Variants in CCDC146 observed in about 807,000 individuals in gnomAD.
CCDC146 encodes the protein coiled-coil domain containing 146.
Under a neutral mutation model 119.3 loss-of-function variants are expected in CCDC146, and 92 were observed. The observed-to-expected ratio is 0.77, with a 90% CI of 0.65 to 0.92. The LOEUF (loss-of-function observed/expected upper bound fraction) is 0.92. CCDC146 is among the 40% of genes least tolerant of loss of function. The pLI, the probability that CCDC146 is intolerant of heterozygous loss-of-function variation, is 0.00. For missense variants in CCDC146, 1,000 were observed against 1,103.0 expected (o/e 0.91, Z 1.32); for synonymous variants, 372 against 371.8 (o/e 1.00, Z -0.01).
chr7:77,234,810 A>G (rs1353690046), intron 2 of CCDC146, among the ~76,000 whole-genome samples: 1 of 152,210 alleles, frequency 6.6e-6, no homozygotes, highest in Non-Finnish European at 1.5e-5. Flanking sequence ...TGATACAGGT[A>G]GAGTATCCTC....
intron 2 of CCDC146, among the ~76,000 whole-genome samples, chr7:77,181,347 G>T (rs1399829009): frequency 3.9e-5 from 6 of 152,164 alleles, no homozygotes; most frequent in Admixed American, 2.6e-4. Context: ...GGGTGATAAA[G>T]GTCAGTGGGG....
intron 2 of CCDC146, among the ~76,000 whole-genome samples, chr7:77,224,769 G>A (rs1424065305): frequency 6.6e-6 from 1 of 152,172 alleles, no homozygotes; most frequent in East Asian, 1.9e-4. Flanking sequence ...GTCCTTTGAA[G>A]GGTCTAAAGC....
chr7:77,282,915 G>A (rs1371277996), intron 15 of CCDC146, 130 bp downstream of exon 15: 1 of 644,838 alleles, frequency 1.6e-6, no homozygotes, highest in African/African-American at 1.8e-5. Flanking sequence ...CATCCATCTT[G>A]TTTAAAAATA....
At chr7:77,276,520 G>A (rs1020789696) in intron 11 of CCDC146, among the ~76,000 whole-genome samples, 1 of 152,198 alleles carries the variant, frequency 6.6e-6, no homozygotes, top group Non-Finnish European at 1.5e-5. Context: ...ATGGGAAGAT[G>A]GGGAGAAAGG....
At chr7:77,233,485 T>C (rs1214845904) in intron 2 of CCDC146, among the ~76,000 whole-genome samples, 3 of 143,514 alleles carry the variant, frequency 2.1e-5, no homozygotes, top group African/African-American at 8.0e-5. Flanking sequence ...CTGTAATTTA[T>C]AATTTTACTT....
intron 2 of CCDC146, among the ~76,000 whole-genome samples, chr7:77,186,088 C>T (rs1243427446): frequency 6.6e-6 from 1 of 152,092 alleles, no homozygotes; most frequent in Admixed American, 6.5e-5. Context: ...TTTCCAGGTT[C>T]CTCAAGAAAC....
rs1219389100 is a variant in CCDC146, at chr7:77,293,105, A to G, written c.2569A>G (p.Lys857Glu). 4.3e-6 allele frequency: 7 copies of G among 1,614,112 alleles called. No homozygotes were observed. The highest frequency in any genetic ancestry group is 4.0e-5 in the African/African-American group (3 of 74,936). ...CTTCACTTGCAATTCCAGGATAGAAAAAGGTCTGCCACTCAATAAGGAAAT... is the reference window on the plus strand; with the variant it reads ...CTTCACTTGCAATTCCAGGATAGAAGAAGGTCTGCCACTCAATAAGGAAAT... ...FIFTCNSRIE[K>E]GLPLNKEIEK... Residue 857 changes from lysine to glutamate, a missense_variant, in exon 18 of 19, where the codon AAA becomes GAA. By Grantham distance (56) the Lys-to-Glu change is moderately conservative. Transcript: ENST00000285871.
chr7:77,127,025 G>A, intron 1 of CCDC146, among the ~76,000 whole-genome samples: 1 of 152,128 alleles, frequency 6.6e-6, no homozygotes, highest in African/African-American at 2.4e-5. Flanking sequence ...AGCTCCAGGA[G>A]AGGAGAGAGG....
At chr7:77,265,347 TATAATTACCTTTAATA>T (rs1584126229) in intron 9 of CCDC146, among the ~76,000 whole-genome samples, 2 of 152,264 alleles carry the variant, frequency 1.3e-5, no homozygotes, top group East Asian at 3.8e-4. Context: ...GGATAAAATG[TATAATTACCTTTAATA>T]ACCAATTTTG....
rs1472083612 is a variant in CCDC146 at position 77,259,881 on chromosome 7, C to T, written c.759-128C>T. 3 of 663,270 alleles carry T rather than the reference C, an allele frequency of 4.5e-6. No homozygotes were observed. In the Admixed American group the frequency reaches 8.6e-5, roughly 19 times the overall value. The allele number at this position is 663,270 out of a possible 1,614,324, so 41.1% of individuals were successfully genotyped here. A position where few individuals can be genotyped will look rare whatever the true frequency, so the allele number is the denominator to read the frequency against. On this transcript the variant is annotated intron_variant, in intron 7 of 18. Coordinates refer to ENST00000285871, the MANE Select transcript of CCDC146 (RefSeq NM_020879.3). ...ATCATTGAATTTATGACTATCTCTT[C>T]TGCTGCATGGTTAGAAAGCAAGAAT...
chr7:77,200,665 G>C (rs1791971123), intron 2 of CCDC146, among the ~76,000 whole-genome samples: 1 of 152,164 alleles, frequency 6.6e-6, no homozygotes, highest in African/African-American at 2.4e-5. Context: ...TGGCAGGCGG[G>C]CCTCTTGCTT....
At chr7:77,144,621 C>T (rs1416599831) in intron 1 of CCDC146, among the ~76,000 whole-genome samples, 1 of 151,762 alleles carries the variant, frequency 6.6e-6, no homozygotes, top group East Asian at 1.9e-4. Flanking sequence ...GAGTTTTTAG[C>T]ATGAAGAGCT....
intron 15 of CCDC146, among the ~76,000 whole-genome samples, chr7:77,285,049 T>C (rs1793825026): frequency 6.6e-6 from 1 of 152,164 alleles, no homozygotes; most frequent in Non-Finnish European, 1.5e-5. Context: ...TTTGCATTTT[T>C]TTCGGTCGTC....
chr7:77,144,765 G>A (rs1356132466), intron 1 of CCDC146, among the ~76,000 whole-genome samples: 1 of 151,838 alleles, frequency 6.6e-6, no homozygotes, highest in African/African-American at 2.4e-5. Flanking sequence ...CAGGGATGAA[G>A]TCCACTTGAT....
At chr7:77,153,734 A>G (rs1005399762) in intron 1 of CCDC146, among the ~76,000 whole-genome samples, 140 of 150,064 alleles carry the variant, frequency 9.3e-4, no homozygotes, top group Admixed American at 1.6e-3. Flanking sequence ...GGCATTTTGG[A>G]AAACAGTTTG....
chr7:77,294,483 TG>T (rs1794009160), intron 18 of CCDC146, among the ~76,000 whole-genome samples, 179 bp from the exon 19 acceptor site: 1 of 150,266 alleles, frequency 6.7e-6, no homozygotes, highest in African/African-American at 2.5e-5. Context: ...TGTGTGTGTG[TG>T]TGTGTGTGTG....
intron 1 of CCDC146, among the ~76,000 whole-genome samples, chr7:77,155,134 T>C (rs1041728538): frequency 2.0e-5 from 3 of 152,264 alleles, no homozygotes; most frequent in Non-Finnish European, 4.4e-5. Flanking sequence ...CAGGCATCTT[T>C]TGAATTTCTG....
In CCDC146 at chr7:77,260,088, G is replaced by T; in HGVS notation, c.838G>T (p.Val280Phe). ...CTCCCTAAAGAAAGTTGAAAACAAG[G>T]TTAGTGCTATAGTGGATGAGAAGGA... ...NDSLKKVENK[V>F]SAIVDEKENV... is the part of the protein sequence containing the mutation. Residue 280 changes from valine (V) to phenylalanine (F), a missense_variant, in exon 8 of 19, where the codon GTT becomes TTT. Val to Phe is a conservative substitution (Grantham distance 50, BLOSUM62 -1). Transcript: ENST00000285871. 1 of 1,613,772 alleles carries T rather than the reference G, an allele frequency of 6.2e-7. No individual in the cohort carries two copies. Among genetic ancestry groups the T allele is most frequent in the Middle Eastern group, 1.7e-4 (1 of 6,022 alleles).
chr7:77,196,785 T>TGTA lies in CCDC146; in HGVS notation c.156+28964_156+28966dup. The TGTA allele has an allele frequency of 6.2e-7, 1 of 1,614,170 alleles. No homozygotes were observed. Among genetic ancestry groups the TGTA allele is most frequent in the Non-Finnish European group, 8.5e-7 (1 of 1,180,016 alleles). On this transcript the variant is annotated intron_variant, in intron 2 of 18. Coordinates refer to ENST00000285871, the MANE Select transcript of CCDC146 (RefSeq NM_020879.3). The surrounding 1 kb of genome is among the most constrained non-coding windows in gnomAD (Gnocchi z 4.2). Reference sequence around the variant, plus strand: ...CTTCTGAGGTTTCCAAAGCCTGCTTTGTAGTCTTGCCATGTTCTGGTGAAG... The same window carrying TGTA: ...CTTCTGAGGTTTCCAAAGCCTGCTTTGTAGTAGTCTTGCCATGTTCTGGTGAAG...
Sources: gnomAD v4.1 joint callset for allele counts (sites outside exome capture counted in the v4.1 genomes callset) on GRCh38, gnomAD v4.1.1 for gene constraint, Gnocchi (gnomAD v3.1) non-coding constraint, MANE v1.5 for transcripts, NCBI Gene and HGNC (gene_info 2026-07-23, HGNC 2026-07-21) for gene names.